The following SNX2 variants were observed in gnomAD, a reference collection of about 807,000 sequenced individuals.
The protein encoded by SNX2 is sorting nexin 2.
Under a neutral mutation model 69.9 loss-of-function variants are expected in SNX2, and 25 were observed. That is an observed-to-expected ratio of 0.36 (90% CI 0.26 to 0.50). The LOEUF (loss-of-function observed/expected upper bound fraction) is 0.50. SNX2 is among the 20% of genes least tolerant of loss of function. The pLI is 0.97. For missense variants in SNX2, 551 were observed against 613.3 expected (o/e 0.90, Z 1.07); for synonymous variants, 229 against 200.4 (o/e 1.14, Z -1.20).
At chr5:122,780,159 A>G (rs989957844) in intron 1 of SNX2, among the ~76,000 whole-genome samples, 4 of 152,190 alleles carry the variant, frequency 2.6e-5, no homozygotes, top group African/African-American at 9.7e-5. Context: ...TGGGCTAGAG[A>G]TGTAGCTTTG....
chr5:122,820,479 T>G (rs1179354822), intron 11 of SNX2, among the ~76,000 whole-genome samples: 1 of 151,666 alleles, frequency 6.6e-6, no homozygotes, highest in Non-Finnish European at 1.5e-5. Flanking sequence ...GAGGTTGCAG[T>G]GAGCTGGGAT....
chr5:122,780,919 T>G (rs1181219412), intron 1 of SNX2, among the ~76,000 whole-genome samples: 1 of 152,188 alleles, frequency 6.6e-6, no homozygotes, highest in Non-Finnish European at 1.5e-5. Context: ...TTTAAATGTG[T>G]GAATTTTTTG....
upstream of SNX2, chr5:122,775,029 G>C (rs1283258978): frequency 2.9e-6 from 4 of 1,388,538 alleles, no homozygotes; most frequent in Non-Finnish European, 3.8e-6. Context: ...TGGCGGGTCG[G>C]CGCGGGCCCA....
intron 11 of SNX2, among the ~76,000 whole-genome samples, chr5:122,820,544 A>G (rs1561473698): frequency 6.6e-6 from 1 of 152,112 alleles, no homozygotes; most frequent in Non-Finnish European, 1.5e-5. Flanking sequence ...TAAAAAAAAA[A>G]AAGAATACGT....
chr5:122,826,382 T>C (rs911160729), intron 12 of SNX2, among the ~76,000 whole-genome samples, 189 bp downstream of exon 12: 4 of 152,078 alleles, frequency 2.6e-5, no homozygotes, highest in East Asian at 1.9e-4. Flanking sequence ...TCATTACTTA[T>C]GGAATGGATA....
intron 1 of SNX2, among the ~76,000 whole-genome samples, chr5:122,786,171 G>C (rs1753082914): frequency 6.6e-6 from 1 of 151,954 alleles, no homozygotes; most frequent in African/African-American, 2.4e-5. Flanking sequence ...CTGATGTTTA[G>C]CACAACAGCT....
At chr5:122,795,417 C>A in intron 2 of SNX2, 34 bp downstream of exon 2, 3 of 1,321,112 alleles carry the variant, frequency 2.3e-6, no homozygotes, top group South Asian at 2.4e-5. Context: ...TAATAATGGT[C>A]AATTGCAGTA....
intron 7 of SNX2, among the ~76,000 whole-genome samples, chr5:122,810,633 A>G (rs988394515): frequency 6.6e-6 from 1 of 152,188 alleles, no homozygotes; most frequent in South Asian, 2.1e-4. Flanking sequence ...ACTTGGCTGC[A>G]TTGCATAGTA....
chr5:122,822,539 T>C (rs1214621249), intron 11 of SNX2, among the ~76,000 whole-genome samples: 1 of 152,216 alleles, frequency 6.6e-6, no homozygotes. Context: ...TTAGGAATAC[T>C]TTGGGGATTA....
At chr5:122,781,035 G>A (rs534832830) in intron 1 of SNX2, among the ~76,000 whole-genome samples, 1 of 152,294 alleles carries the variant, frequency 6.6e-6, no homozygotes, top group Non-Finnish European at 1.5e-5. Flanking sequence ...ATGAAGAAGC[G>A]TGATTCAAGT....
chr5:122,800,883 A>G (rs1240450306), intron 3 of SNX2, among the ~76,000 whole-genome samples: 1 of 152,222 alleles, frequency 6.6e-6, no homozygotes, highest in African/African-American at 2.4e-5. Context: ...CTTGAGAATA[A>G]CAAAGCTTTC....
At position 122,831,255 on chromosome 5, in the gene SNX2, T is replaced by C. The variant is rs1754283051; in HGVS notation, c.*1607T>C. Reference sequence around the variant, plus strand: ...AATGTTAAGCCTTCTATAGGTGTTATTCATATTTATACTCCCACAGCCCAG... The same window carrying C: ...AATGTTAAGCCTTCTATAGGTGTTACTCATATTTATACTCCCACAGCCCAG... On this transcript the variant is annotated 3_prime_UTR_variant, in exon 15 of 15. Coordinates refer to ENST00000379516, the MANE Select transcript of SNX2 (RefSeq NM_003100.4). Among the ~76,000 whole-genome samples the C allele has an allele frequency of 6.6e-6, 1 of 152,134 alleles. No individual in the cohort carries two copies. The highest frequency in any genetic ancestry group is 6.5e-5 in the Admixed American group (1 of 15,276).
chr5:122,781,090 G>A (rs1245364325), intron 1 of SNX2, among the ~76,000 whole-genome samples: 2 of 152,150 alleles, frequency 1.3e-5, no homozygotes. Context: ...AGTTTTGAAT[G>A]AATTATTTTT....
At chr5:122,786,616 G>A (rs1753094771) in intron 1 of SNX2, among the ~76,000 whole-genome samples, 1 of 151,816 alleles carries the variant, frequency 6.6e-6, no homozygotes, top group African/African-American at 2.4e-5. Context: ...TTTACGCTTG[G>A]AAGTCATTGC....
intron 1 of SNX2, among the ~76,000 whole-genome samples, chr5:122,778,060 A>G (rs980683090): frequency 6.6e-6 from 1 of 152,230 alleles, no homozygotes; most frequent in Non-Finnish European, 1.5e-5. Flanking sequence ...ACATATGAGT[A>G]GGAACATGCA....
At chr5:122,783,687 TC>T (rs1753024068) in intron 1 of SNX2, among the ~76,000 whole-genome samples, 1 of 152,200 alleles carries the variant, frequency 6.6e-6, no homozygotes, top group Non-Finnish European at 1.5e-5. Flanking sequence ...TTAATCTGAA[TC>T]TTGAAATCAA....
At position 122,804,190 on chromosome 5, in the gene SNX2, A is replaced by G. The variant is rs1397295053; in HGVS notation, c.643+577A>G. Among the ~76,000 whole-genome samples, 4 of 152,130 alleles carry G rather than the reference A, an allele frequency of 2.6e-5. No individual in the cohort carries two copies. The South Asian group carries it at 6.2e-4, about 24-fold the overall frequency. On this transcript the variant is annotated intron_variant, in intron 6 of 14. Coordinates refer to ENST00000379516, the MANE Select transcript of SNX2 (RefSeq NM_003100.4). ...TTGGAAGCCCTAACCTTTTAGGGTCACTAGATTACCATTTTACTGAGTCAC... is the reference window on the plus strand; with the variant it reads ...TTGGAAGCCCTAACCTTTTAGGGTCGCTAGATTACCATTTTACTGAGTCAC...
At chr5:122,775,050 C>T (rs999136948), upstream of SNX2, 6 of 1,509,348 alleles carry the variant, frequency 4.0e-6, no homozygotes, top group African/African-American at 7.0e-5. Context: ...GCCGTGCGTG[C>T]TCACGTGACG....
At chr5:122,803,723 T>A in intron 6 of SNX2, 110 bp downstream of exon 6, 1 of 746,226 alleles carries the variant, frequency 1.3e-6, no homozygotes, top group Non-Finnish European at 2.1e-6. Flanking sequence ...TTATAATGTG[T>A]AGACATAACT....
Sources: allele counts gnomAD v4.1 joint callset (sites outside exome capture counted in the v4.1 genomes callset), GRCh38; gene constraint gnomAD v4.1.1; transcripts MANE v1.5; gene names NCBI Gene and HGNC (gene_info 2026-07-23, HGNC 2026-07-21).